Variants in SPAG16 observed in about 807,000 individuals in gnomAD.
SPAG16 encodes the protein sperm associated antigen 16, also known as sperm-associated antigen 16 protein.
In SPAG16, 86 loss-of-function variants were observed where a neutral mutation model predicts 80.4. That is an observed-to-expected ratio of 1.07 (90% CI 0.90 to 1.28). SPAG16 has a LOEUF of 1.28. Ranked by LOEUF, SPAG16 falls within the 50% of genes most tolerant of loss-of-function variation. The pLI is 0.00. For synonymous variants in SPAG16, 294 were observed against 265.9 expected, an observed-to-expected ratio of 1.11 and a Z score of -1.03; for missense variants, 870 against 765.3, an observed-to-expected ratio of 1.14 and a Z score of -1.61.
chr2:213,470,661 T>C (rs1575675333), intron 9 of SPAG16, among the ~76,000 whole-genome samples: 1 of 152,200 alleles, frequency 6.6e-6, no homozygotes, highest in South Asian at 2.1e-4. Context: ...GCTGAGCCCA[T>C]GCATAACCTC....
rs371850842 is a variant in SPAG16 at position 213,763,790 on chromosome 2, G to A, written c.1071-98695G>A. On this transcript the variant is annotated intron_variant, in intron 10 of 15. Coordinates refer to ENST00000331683, the MANE Select transcript of SPAG16 (RefSeq NM_024532.5). ...TCATGATGCCAAGATCTGGATGACC[G>A]TCTTGCTCTCATCCTTATGAACTAT... 3.3e-4 allele frequency among the ~76,000 whole-genome samples: 51 copies of A among 152,274 alleles called. No homozygotes were observed. The East Asian group carries it at 7.1e-3, about 21-fold the overall frequency.
chr2:213,550,578 T>C (rs970491557), intron 10 of SPAG16, among the ~76,000 whole-genome samples: 1 of 152,150 alleles, frequency 6.6e-6, no homozygotes, highest in Non-Finnish European at 1.5e-5. Context: ...TTCCACTTAC[T>C]CAAGTATACT....
intron 9 of SPAG16, among the ~76,000 whole-genome samples, chr2:213,405,392 T>A (rs1034944149): frequency 1.3e-5 from 2 of 152,226 alleles, no homozygotes; most frequent in Admixed American, 6.5e-5. Context: ...TGTGATATTT[T>A]GATATAAACA....
At chr2:213,692,639 A>T (rs574199640) in intron 10 of SPAG16, among the ~76,000 whole-genome samples, 64 of 151,864 alleles carry the variant, frequency 4.2e-4, no homozygotes, top group African/African-American at 1.4e-3. Flanking sequence ...TGAAACCCCG[A>T]CTCTACTAAA....
At chr2:213,660,570 G>A (rs995709041) in intron 10 of SPAG16, among the ~76,000 whole-genome samples, 1 of 152,036 alleles carries the variant, frequency 6.6e-6, no homozygotes, top group Non-Finnish European at 1.5e-5. Context: ...AGCAAGCTCT[G>A]TGCCAAAGGG....
chr2:214,388,620 T>C (rs1400951259), intron 15 of SPAG16, among the ~76,000 whole-genome samples: 3 of 152,204 alleles, frequency 2.0e-5, no homozygotes, highest in Non-Finnish European at 4.4e-5. Context: ...CACGCATGTG[T>C]CTGATCATTT....
chr2:213,288,218 G>A (rs2062128219), intron 1 of SPAG16, among the ~76,000 whole-genome samples: 1 of 151,264 alleles, frequency 6.6e-6, no homozygotes, highest in South Asian at 2.1e-4. Flanking sequence ...GTACCAGGCT[G>A]CTGTCTTCTT....
Position 213,344,072 on chromosome 2 carries a change from T to C in SPAG16, c.644+3802T>C, listed in dbSNP as rs185380700. 3.9e-5 allele frequency among the ~76,000 whole-genome samples: 6 copies of C among 152,238 alleles called. No homozygotes were observed. In the East Asian group the frequency reaches 1.2e-3, roughly 29 times the overall value. ...CAGACTTTAGCCAGGACTGTACTTA[T>C]TTTCTGTTCCCCTGTAGACTCCCAT... On this transcript the variant is annotated intron_variant, in intron 6 of 15. Transcript: ENST00000331683.
chr2:214,161,448 A>T (rs1396315842), intron 15 of SPAG16, among the ~76,000 whole-genome samples: 2 of 152,154 alleles, frequency 1.3e-5, no homozygotes, highest in Non-Finnish European at 2.9e-5. Flanking sequence ...ATTTCTACAC[A>T]ACCTCACCAG....
intron 7 of SPAG16, among the ~76,000 whole-genome samples, chr2:213,361,591 AC>A (rs1163361408): frequency 1.3e-5 from 2 of 151,688 alleles, no homozygotes; most frequent in Admixed American, 1.3e-4. Context: ...CAGATAAAAT[AC>A]TAGATAGGCC....
intron 10 of SPAG16, among the ~76,000 whole-genome samples, chr2:213,616,814 A>G (rs1178764614): frequency 6.6e-6 from 1 of 152,152 alleles, no homozygotes; most frequent in African/African-American, 2.4e-5. Context: ...TGCATAGGGT[A>G]CTCTGGCTAA....
chr2:213,547,242 A>C (rs2076641184), intron 10 of SPAG16, among the ~76,000 whole-genome samples: 1 of 152,146 alleles, frequency 6.6e-6, no homozygotes, highest in South Asian at 2.1e-4. Context: ...TCTTGAAATA[A>C]TATAATAGAA....
intron 10 of SPAG16, among the ~76,000 whole-genome samples, chr2:213,543,412 A>G (rs1244968219): frequency 1.3e-5 from 2 of 151,910 alleles, no homozygotes; most frequent in Non-Finnish European, 2.9e-5. Context: ...CCTTTATTGA[A>G]TGGAAATGTT....
intron 10 of SPAG16, among the ~76,000 whole-genome samples, chr2:213,821,592 A>G (rs533724243): frequency 3.9e-5 from 6 of 152,310 alleles, no homozygotes; most frequent in Non-Finnish European, 5.9e-5. Context: ...TTTAAAAAGT[A>G]CAATTAAATT....
chr2:213,789,592 C>G (rs2070559924), intron 10 of SPAG16, among the ~76,000 whole-genome samples: 1 of 151,882 alleles, frequency 6.6e-6, no homozygotes, highest in Non-Finnish European at 1.5e-5. Context: ...ACAAACCATT[C>G]CAGCACAACA....
intron 15 of SPAG16, among the ~76,000 whole-genome samples, chr2:214,367,343 T>C (rs1699539287): frequency 1.3e-5 from 2 of 152,206 alleles, no homozygotes; most frequent in Non-Finnish European, 2.9e-5. Flanking sequence ...GCACTTGTAC[T>C]GACTGATTTC....
intron 13 of SPAG16, among the ~76,000 whole-genome samples, chr2:214,060,593 ACT>A: frequency 6.6e-6 from 1 of 152,178 alleles, no homozygotes; most frequent in East Asian, 1.9e-4. Context: ...AAACTATAAC[ACT>A]CTCTTAGAAA....
intron 15 of SPAG16, among the ~76,000 whole-genome samples, chr2:214,186,710 A>G (rs1426797343): frequency 6.6e-6 from 1 of 152,112 alleles, no homozygotes; most frequent in African/African-American, 2.4e-5. Flanking sequence ...CTATGGGATA[A>G]AAAAGAGCTC....
intron 9 of SPAG16, among the ~76,000 whole-genome samples, chr2:213,377,478 T>C (rs534015412): frequency 3.3e-5 from 5 of 152,272 alleles, no homozygotes; most frequent in African/African-American, 9.6e-5. Flanking sequence ...CTCAAATCAG[T>C]AATTAAATAT....
Sources: allele counts gnomAD v4.1 joint callset (sites outside exome capture counted in the v4.1 genomes callset), GRCh38; gene constraint gnomAD v4.1.1; transcripts MANE v1.5; gene names NCBI Gene and HGNC (gene_info 2026-07-23, HGNC 2026-07-21).